The following RPP40 variants were observed in gnomAD, a reference collection of about 807,000 sequenced individuals.
The protein encoded by RPP40 is ribonuclease P protein subunit p40.
In RPP40, 30 loss-of-function variants were observed where a neutral mutation model predicts 42.5. That is an observed-to-expected ratio of 0.71 (90% CI 0.53 to 0.96). The LOEUF (loss-of-function observed/expected upper bound fraction) is 0.96, where lower values mean the gene tolerates loss of function less well. Among genes scored for constraint, RPP40 ranks in the 40% least tolerant of loss-of-function variants. RPP40 has a pLI of 0.00. For synonymous variants in RPP40, 173 were observed against 164.0 expected (o/e 1.05, Z -0.42); for missense variants, 426 against 433.5 (o/e 0.98, Z 0.15).
chr6:4,997,470 GT>G (rs1269916472), intron 5 of RPP40, among the ~76,000 whole-genome samples: 1 of 152,236 alleles, frequency 6.6e-6, no homozygotes, highest in Non-Finnish European at 1.5e-5. Flanking sequence ...TCCACAGGTT[GT>G]CAGGCTTTGG....
Position 4,999,809 on chromosome 6 carries a change from T to C in RPP40, c.433A>G (p.Ile145Val), listed in dbSNP as rs201194103. The change falls in exon 4 of 8, where the codon ATT becomes GTT. Residue 145 changes from isoleucine to valine, a missense_variant and splice_region_variant. Ile to Val is a conservative substitution (Grantham distance 29). Transcript: ENST00000380051. ...CAGATGGAACACACATGATACTTAC[T>C]AAATTTCATAATTTTTCTGCCAGAA... ...QFSGRKIMKFIVSIDLMELSL... is the reference protein window; with the variant it reads ...QFSGRKIMKFVVSIDLMELSL... 3.9e-6 allele frequency: 6 copies of C among 1,541,680 alleles called. No homozygotes were observed. The highest frequency in any genetic ancestry group is 2.7e-6 in the Non-Finnish European group (3 of 1,115,050).
At chr6:4,999,490 G>T (rs199910555) in intron 4 of RPP40, among the ~76,000 whole-genome samples, 1 of 151,980 alleles carries the variant, frequency 6.6e-6, no homozygotes, top group East Asian at 1.9e-4. Flanking sequence ...GCAGAGATGG[G>T]GTTTCGCCAT....
At chr6:5,001,953 G>T in intron 2 of RPP40, 148 bp downstream of exon 2, 1 of 656,880 alleles carries the variant, frequency 1.5e-6, no homozygotes, top group Non-Finnish European at 2.6e-6. Flanking sequence ...AACAGGATGA[G>T]AATGCGGGGG....
downstream of RPP40, among the ~76,000 whole-genome samples, chr6:4,992,402 T>C (rs1290638762): frequency 1.3e-5 from 2 of 149,504 alleles, no homozygotes; most frequent in Non-Finnish European, 3.0e-5. Context: ...GAAGAAGAAA[T>C]GTGAGCCAAT....
intron 7 of RPP40, among the ~76,000 whole-genome samples, chr6:4,995,477 C>T (rs749931999): frequency 6.6e-6 from 1 of 152,168 alleles, no homozygotes; most frequent in Admixed American, 6.5e-5. Flanking sequence ...TAATATACAA[C>T]ACATGAAACA....
chr6:4,998,601 C>T (rs1206762071), intron 5 of RPP40, 115 bp downstream of exon 5: 7 of 656,570 alleles, frequency 1.1e-5, no homozygotes, highest in South Asian at 4.8e-5. Context: ...TTTATATATA[C>T]GTATAGAATA....
Position 4,996,213 on chromosome 6 carries a change from G to T in RPP40, c.758+9C>A, listed in dbSNP as rs1213893962. On this transcript the variant is annotated intron_variant, in intron 6 of 7. Transcript: ENST00000380051. ...AGCCCTGGAAGACACAGGGAGTTCA[G>T]ATACCCACAGGTCGACATTACTGAA... 2 of 1,612,878 alleles carry T rather than the reference G, an allele frequency of 1.2e-6. No homozygotes were observed. The highest frequency in any genetic ancestry group is 1.7e-6 in the Non-Finnish European group (2 of 1,179,180).
In RPP40 at chr6:4,996,431, C is replaced by T. The variant is rs754533486; in HGVS notation, c.560-11G>A. On this transcript the variant is annotated splice_polypyrimidine_tract_variant and intron_variant, in intron 5 of 7. Transcript: ENST00000380051. ...TCGATTCTTCTGAACCTTAAAAACA[C>T]ACCACACAAGGCCATTTGAATCCAT... The T allele has an allele frequency of 1.2e-6, 2 of 1,611,684 alleles. No homozygotes were observed. The highest frequency in any genetic ancestry group is 1.1e-5 in the South Asian group (1 of 90,948).
intron 6 of RPP40, 52 bp downstream of exon 6, chr6:4,996,170 A>T: frequency 6.2e-7 from 1 of 1,606,126 alleles, no homozygotes; most frequent in Non-Finnish European, 8.5e-7. Context: ...CTCCTATTAA[A>T]AACAAGCAGC....
chr6:5,003,844 A>G, intron 1 of RPP40, 36 bp downstream of exon 1: 1 of 1,590,864 alleles, frequency 6.3e-7, no homozygotes, highest in Non-Finnish European at 8.6e-7. Flanking sequence ...GCGGGGACTG[A>G]GCACGGCCCG....
rs917107554 is a variant in RPP40, at chr6:4,995,251, C to G, written c.919G>C (p.Ala307Pro). The change falls in exon 8 of 8, where the codon GCT (alanine) becomes CCT (proline). Residue 307 changes from alanine (A) to proline (P), a missense_variant. Ala to Pro is a conservative substitution (Grantham distance 27, BLOSUM62 -1). Transcript: ENST00000380051. ...TGAACGGACAGTGTAACCCATGGAG[C>G]TAACTTCGGTTCATCAAAGTAGTGA... is the stretch of plus-strand genomic sequence containing the variant. ...LCHYFDEPKL[A>P]PWVTLSVQGF... 15 of 1,613,496 alleles carry G rather than the reference C, an allele frequency of 9.3e-6. No homozygotes were observed. The highest frequency in any genetic ancestry group is 5.0e-5 in the Admixed American group (3 of 59,926).
intron 5 of RPP40, among the ~76,000 whole-genome samples, chr6:4,997,231 T>C (rs866444294): frequency 6.6e-6 from 1 of 152,304 alleles, no homozygotes. Flanking sequence ...GGTGTGTCTG[T>C]GAGGGTGTTT....
In RPP40 at chr6:5,002,162, C is replaced by G; in HGVS notation, c.207G>C (p.Val69=). 1 of 1,612,274 alleles carries G rather than the reference C, an allele frequency of 6.2e-7. No individual in the cohort carries two copies. Among genetic ancestry groups the G allele is most frequent in the Non-Finnish European group, 8.5e-7 (1 of 1,178,340 alleles). Residue 69 remains valine, a synonymous_variant, in exon 2 of 8, where the codon GTG becomes GTC. Coordinates refer to ENST00000380051, the MANE Select transcript of RPP40 (RefSeq NM_006638.4). ...LVMNTGPYYF[V]KNLPLHELIT... ...TTAATTCATGAAGAGGTAAATTCTT[C>G]ACAAAGTAATAGGGTCCAGTGTTCA...
intron 4 of RPP40, 149 bp from the exon 5 acceptor site, chr6:4,998,990 C>A: frequency 2.0e-6 from 1 of 504,158 alleles, no homozygotes; most frequent in Non-Finnish European, 3.3e-6. Context: ...CTTTGGTTTG[C>A]CAAATAAATA....
intron 1 of RPP40, 144 bp from the exon 2 acceptor site, chr6:5,002,389 G>C (rs1759590604): frequency 4.5e-6 from 3 of 662,718 alleles, no homozygotes; most frequent in Admixed American, 6.3e-5. Flanking sequence ...AAACTCTTAT[G>C]TTAACTTACC....
chr6:5,001,855 G>A (rs1759567290), intron 2 of RPP40: 1 of 379,274 alleles, frequency 2.6e-6, no homozygotes, highest in African/African-American at 2.1e-5. Context: ...ATTTTAAGGG[G>A]ACGGATACTG....
At chr6:4,997,608 C>A (rs147862514) in intron 5 of RPP40, among the ~76,000 whole-genome samples, 95 of 152,318 alleles carry the variant, frequency 6.2e-4, no homozygotes, top group African/African-American at 2.1e-3. Context: ...CCTCAGCCTC[C>A]ATAACTGCAT....
intron 3 of RPP40, 144 bp downstream of exon 3, chr6:5,000,419 C>G (rs1263649429): frequency 1.7e-6 from 1 of 585,256 alleles, no homozygotes; most frequent in Non-Finnish European, 3.1e-6. Flanking sequence ...AACTCCTGAC[C>G]TCAGGTGATA....
intron 2 of RPP40, chr6:5,001,105 C>G (rs781110211): frequency 2.2e-6 from 1 of 456,706 alleles, no homozygotes; most frequent in Non-Finnish European, 4.4e-6. Flanking sequence ...TTTGGGGATG[C>G]GCGGAGAGGG....
Sources: allele counts gnomAD v4.1 joint callset (sites outside exome capture counted in the v4.1 genomes callset), GRCh38; gene constraint gnomAD v4.1.1; transcripts MANE v1.5; gene names NCBI Gene and HGNC (gene_info 2026-07-23, HGNC 2026-07-21).